The following DCLK1 variants were observed in gnomAD, a reference collection of about 807,000 sequenced individuals.
DCLK1 encodes doublecortin like kinase 1.
DCLK1 carries 16 observed loss-of-function variants against 86.2 expected under a neutral mutation model. That is an observed-to-expected ratio of 0.19 (90% CI 0.13 to 0.28). The LOEUF (loss-of-function observed/expected upper bound fraction) is 0.28. Ranked by LOEUF, DCLK1 falls within the 10% of genes least tolerant of loss-of-function variation. The pLI is 1.00. For synonymous variants in DCLK1, 369 were observed against 370.5 expected, an observed-to-expected ratio of 1.00 and a Z score of 0.05; for missense variants, 590 against 940.2, an observed-to-expected ratio of 0.63 and a Z score of 4.87.
chr13:35,860,457 A>G (rs1593670814), intron 5 of DCLK1, among the ~76,000 whole-genome samples: 1 of 152,030 alleles, frequency 6.6e-6, no homozygotes, highest in African/African-American at 2.4e-5. Flanking sequence ...GATTTTCTCC[A>G]TGTCTGTTTC....
chr13:35,918,892 G>GTGTTTTTTTTTTTTTTTT (rs780502143), intron 4 of DCLK1, among the ~76,000 whole-genome samples: 6 of 76,310 alleles, frequency 7.9e-5, no homozygotes, highest in African/African-American at 1.8e-4. Context: ...TTCTGAGTGT[G>GTGTTTTTTTTTTTTTTTT]TTTTTTTTTT....
At chr13:36,006,912 C>A (rs979590430) in intron 3 of DCLK1, among the ~76,000 whole-genome samples, 2 of 152,156 alleles carry the variant, frequency 1.3e-5, no homozygotes, top group African/African-American at 2.4e-5. Flanking sequence ...CGTCTTGATA[C>A]CTTTAAGTAT....
At chr13:35,900,987 T>TA (rs549452647) in intron 4 of DCLK1, among the ~76,000 whole-genome samples, 2 of 152,130 alleles carry the variant, frequency 1.3e-5, no homozygotes, top group Non-Finnish European at 1.5e-5. Context: ...CTCAACAAAG[T>TA]ATTTTTTTTT....
chr13:36,051,486 G>T (rs1450240655), intron 3 of DCLK1, among the ~76,000 whole-genome samples: 1 of 151,742 alleles, frequency 6.6e-6, no homozygotes, highest in Non-Finnish European at 1.5e-5. Flanking sequence ...AAGTACATTT[G>T]TCTTGCTTTA....
chr13:36,094,733 C>G (rs1884945739), intron 3 of DCLK1, among the ~76,000 whole-genome samples: 1 of 152,068 alleles, frequency 6.6e-6, no homozygotes, highest in Non-Finnish European at 1.5e-5. Context: ...TTGCTCAGGA[C>G]AAAATGATGA....
chr13:35,903,723 T>C (rs537533579), intron 4 of DCLK1, among the ~76,000 whole-genome samples: 1 of 151,494 alleles, frequency 6.6e-6, no homozygotes, highest in Admixed American at 6.6e-5. Context: ...CTTTGATATA[T>C]GCCCTAACAA....
chr13:35,863,231 C>T (rs1016560180), intron 5 of DCLK1, among the ~76,000 whole-genome samples: 8 of 152,232 alleles, frequency 5.3e-5, no homozygotes, highest in African/African-American at 1.7e-4. Flanking sequence ...ACATCCCCAT[C>T]ATCAAGCAAC....
intron 3 of DCLK1, among the ~76,000 whole-genome samples, chr13:35,960,944 T>C (rs1447967657): frequency 6.6e-6 from 1 of 152,380 alleles, no homozygotes; most frequent in Middle Eastern, 3.4e-3. Flanking sequence ...AGTCCATTTA[T>C]GTACAGAACA....
At chr13:36,131,477 G>T (rs1042018208), upstream of DCLK1, among the ~76,000 whole-genome samples, 4 of 151,662 alleles carry the variant, frequency 2.6e-5, no homozygotes, top group African/African-American at 7.3e-5. Context: ...TGCGCGCCCC[G>T]TCGCCCCCGC....
At chr13:36,020,407 C>A (rs1881725092) in intron 3 of DCLK1, among the ~76,000 whole-genome samples, 2 of 152,078 alleles carry the variant, frequency 1.3e-5, no homozygotes, top group Admixed American at 6.5e-5. Context: ...TCAAAATAAA[C>A]TTTTCTTAGA....
At chr13:35,811,462 T>G (rs958367085) in intron 11 of DCLK1, among the ~76,000 whole-genome samples, 2 of 152,208 alleles carry the variant, frequency 1.3e-5, no homozygotes, top group African/African-American at 4.8e-5. Flanking sequence ...TAAAACTGAT[T>G]TGCATAATAA....
chr13:35,984,437 T>A (rs1011265847), intron 3 of DCLK1, among the ~76,000 whole-genome samples: 1 of 152,200 alleles, frequency 6.6e-6, no homozygotes, highest in Admixed American at 6.5e-5. Context: ...TGGCTTCACA[T>A]GCCCAGAAAA....
chr13:35,912,431 T>C (rs1875095772), intron 4 of DCLK1, among the ~76,000 whole-genome samples: 1 of 152,116 alleles, frequency 6.6e-6, no homozygotes, highest in African/African-American at 2.4e-5. Flanking sequence ...CCTGTGCCTA[T>C]AAAGACCCCA....
Position 35,792,387 on chromosome 13 carries a change from G to A in DCLK1, c.2058+979C>T, listed in dbSNP as rs574579717. Among the ~76,000 whole-genome samples, 4 of 151,650 alleles carry A rather than the reference G, an allele frequency of 2.6e-5. No homozygotes were observed. The South Asian group carries it at 6.2e-4, about 24-fold the overall frequency. The stretch of plus-strand genomic sequence containing the variant: ...TTCAGTTTTTTTTTAGAGCTCTCGC[G>A]CAACCAAAAAAGAAAAAAAGGAAAG... On this transcript the variant is annotated intron_variant, in intron 16 of 16. Transcript: ENST00000360631.
intron 4 of DCLK1, among the ~76,000 whole-genome samples, chr13:35,931,062 A>G (rs1414578479): frequency 6.6e-6 from 1 of 152,196 alleles, no homozygotes; most frequent in Non-Finnish European, 1.5e-5. Flanking sequence ...AAAGCTAGGC[A>G]TTGAATCTGA....
chr13:35,958,113 A>AT (rs1426594541), intron 3 of DCLK1, among the ~76,000 whole-genome samples: 27 of 140,904 alleles, frequency 1.9e-4, no homozygotes, highest in Middle Eastern at 3.6e-3. Context: ...AACCACCATC[A>AT]CCACCACCAC....
intron 3 of DCLK1, among the ~76,000 whole-genome samples, chr13:36,001,975 G>A (rs1162529001): frequency 6.6e-6 from 1 of 152,000 alleles, no homozygotes; most frequent in African/African-American, 2.4e-5. Flanking sequence ...ACTGTTTTTA[G>A]CTTGGATTAT....
chr13:36,082,632 C>T lies in DCLK1; in HGVS notation c.723+29237G>A, dbSNP rs76773531. Among the ~76,000 whole-genome samples the T allele has an allele frequency of 3.8e-4, 58 of 152,256 alleles. 1 individual carries two copies. In the East Asian group the frequency reaches 0.01, roughly 27 times the overall value. On this transcript the variant is annotated intron_variant, in intron 3 of 16. Coordinates refer to ENST00000360631, the MANE Select transcript of DCLK1 (RefSeq NM_001330071.2). Reference sequence around the variant, plus strand: ...TGAAGGCCTGAAGGTGTCACCAACTCCTCTCCTCCAACATCAGCTGAAAAG... The same window carrying T: ...TGAAGGCCTGAAGGTGTCACCAACTTCTCTCCTCCAACATCAGCTGAAAAG...
chr13:36,118,288 A>T (rs1885862232), intron 2 of DCLK1, among the ~76,000 whole-genome samples: 1 of 152,128 alleles, frequency 6.6e-6, no homozygotes, highest in Non-Finnish European at 1.5e-5. Context: ...CGACCAGGAG[A>T]GGAGGTGAAC....
Sources: allele counts gnomAD v4.1 joint callset (sites outside exome capture counted in the v4.1 genomes callset), GRCh38; gene constraint gnomAD v4.1.1; transcripts MANE v1.5; gene names NCBI Gene and HGNC (gene_info 2026-07-23, HGNC 2026-07-21).